Variants in STT3B observed in about 807,000 individuals in gnomAD.
The protein encoded by STT3B is STT3 oligosaccharyltransferase complex catalytic subunit B, also known as dolichyl-diphosphooligosaccharide--protein glycosyltransferase subunit STT3B.
Under a neutral mutation model 96.8 loss-of-function variants are expected in STT3B, and 29 were observed. The ratio of observed to expected loss-of-function variants is 0.30; its 90% CI spans 0.22 to 0.41. The LOEUF (loss-of-function observed/expected upper bound fraction) is 0.41, where lower values mean the gene tolerates loss of function less well. Ranked by LOEUF, STT3B falls within the 10% of genes least tolerant of loss-of-function variation. The probability of loss-of-function intolerance (pLI) is 1.00; values close to 1 mark genes in which losing one functional copy is unlikely to be tolerated. For missense variants in STT3B, 640 were observed against 1,022.3 expected, an observed-to-expected ratio of 0.63 and a Z score of 5.10; for synonymous variants, 367 against 360.0, an observed-to-expected ratio of 1.02 and a Z score of -0.22.
At chr3:31,620,677 A>G (rs780489654) in intron 9 of STT3B, among the ~76,000 whole-genome samples, 2 of 152,250 alleles carry the variant, frequency 1.3e-5, no homozygotes, top group Non-Finnish European at 2.9e-5. Flanking sequence ...AAAGGCTTCT[A>G]CATGATTTAA....
At chr3:31,551,967 G>A (rs12486607) in intron 1 of STT3B, among the ~76,000 whole-genome samples, 140,122 of 152,190 alleles carry the variant, frequency 0.92, 64,676 homozygotes, top group East Asian at 0.96. Flanking sequence ...CCTCAAGGAA[G>A]TGAATTCTGC....
chr3:31,590,254 A>T (rs1321270431), intron 3 of STT3B, among the ~76,000 whole-genome samples: 1 of 151,868 alleles, frequency 6.6e-6, no homozygotes, highest in Non-Finnish European at 1.5e-5. Flanking sequence ...GATAAAGCTT[A>T]TCCAACTTTG....
intron 2 of STT3B, among the ~76,000 whole-genome samples, chr3:31,578,783 G>C (rs188898360): frequency 6.6e-6 from 1 of 152,094 alleles, no homozygotes; most frequent in Admixed American, 6.6e-5. Flanking sequence ...CTATTCTGGA[G>C]CTTATATTCT....
At chr3:31,544,324 G>T (rs1196033311) in intron 1 of STT3B, among the ~76,000 whole-genome samples, 1 of 152,186 alleles carries the variant, frequency 6.6e-6, no homozygotes, top group African/African-American at 2.4e-5. Flanking sequence ...TAAGTTGCTT[G>T]TCTTCATTAA....
intron 1 of STT3B, among the ~76,000 whole-genome samples, chr3:31,570,811 A>G (rs1698118128): frequency 6.6e-6 from 1 of 152,128 alleles, no homozygotes; most frequent in Non-Finnish European, 1.5e-5. Context: ...GAAAACACGG[A>G]TGTAAGGAAA....
At position 31,542,958 on chromosome 3, in the gene STT3B, C is replaced by G. The variant is rs983408108; in HGVS notation, c.314+9646C>G. Among the ~76,000 whole-genome samples the G allele has an allele frequency of 4.7e-5, 7 of 149,434 alleles. No homozygotes were observed. The East Asian group carries it at 6.0e-4, about 13-fold the overall frequency. On this transcript the variant is annotated intron_variant, in intron 1 of 15. Coordinates refer to ENST00000295770, the MANE Select transcript of STT3B (RefSeq NM_178862.3). ...GTAGGCACCTGTAATCCCAGCTGCT[C>G]GAGAGGCTGGGGCAGGAGAATTGTT...
Position 31,622,380 on chromosome 3 carries a change from T to C in STT3B, c.1539+72T>C, listed in dbSNP as rs1462950444. On this transcript the variant is annotated intron_variant, in intron 10 of 15. Transcript: ENST00000295770. ...AATTTTTCCACCACAGTAAGAACTATACATATCAAGAAATGTTATTAAATG... is the reference window on the plus strand; with the variant it reads ...AATTTTTCCACCACAGTAAGAACTACACATATCAAGAAATGTTATTAAATG... 4.8e-6 allele frequency: 6 copies of C among 1,238,278 alleles called. No individual in the cohort carries two copies. The African/African-American group carries it at 9.1e-5, about 19-fold the overall frequency. 76.7% of individuals were successfully genotyped at this position (1,238,278 alleles called of 1,614,324 possible). A position where few individuals can be genotyped will look rare whatever the true frequency, so the allele number is the denominator to read the frequency against.
At chr3:31,547,433 T>G (rs1351977371) in intron 1 of STT3B, among the ~76,000 whole-genome samples, 2 of 152,100 alleles carry the variant, frequency 1.3e-5, no homozygotes, top group Non-Finnish European at 2.9e-5. Flanking sequence ...TCACTTGAGG[T>G]CAGGAGTTCG....
At chr3:31,567,493 G>T (rs1171440238) in intron 1 of STT3B, among the ~76,000 whole-genome samples, 3 of 152,080 alleles carry the variant, frequency 2.0e-5, no homozygotes, top group Non-Finnish European at 2.9e-5. Context: ...GTCGCTCATT[G>T]TGGCCACAGC....
intron 1 of STT3B, among the ~76,000 whole-genome samples, chr3:31,572,058 AT>A (rs1698166939): frequency 7.6e-6 from 1 of 130,962 alleles, no homozygotes; most frequent in South Asian, 2.3e-4. Context: ...TATATCATAT[AT>A]TAATATATTA....
intron 1 of STT3B, among the ~76,000 whole-genome samples, chr3:31,575,003 A>G (rs1449843823): frequency 6.6e-6 from 1 of 152,034 alleles, no homozygotes; most frequent in Admixed American, 6.6e-5. Flanking sequence ...TTATCTTGGC[A>G]ATTACAATTT....
At chr3:31,537,906 G>T (rs1442236205) in intron 1 of STT3B, among the ~76,000 whole-genome samples, 1 of 152,000 alleles carries the variant, frequency 6.6e-6, no homozygotes, top group Non-Finnish European at 1.5e-5. Context: ...CGTGCTCTCC[G>T]AAATGAAGGA....
intron 1 of STT3B, among the ~76,000 whole-genome samples, chr3:31,554,221 A>G (rs1443605492): frequency 6.6e-6 from 1 of 152,186 alleles, no homozygotes; most frequent in African/African-American, 2.4e-5. Flanking sequence ...TCTCCTTAAA[A>G]AAATGAAAAC....
At chr3:31,551,761 A>C (rs1234343536) in intron 1 of STT3B, among the ~76,000 whole-genome samples, 1 of 152,174 alleles carries the variant, frequency 6.6e-6, no homozygotes, top group African/African-American at 2.4e-5. Flanking sequence ...GTCTAGGGTG[A>C]TGGGATGTTG....
intron 2 of STT3B, among the ~76,000 whole-genome samples, chr3:31,578,864 A>G (rs554888676): frequency 6.6e-6 from 1 of 152,290 alleles, no homozygotes; most frequent in East Asian, 1.9e-4. Context: ...GATGATAAGT[A>G]TTATGGAGAA....
intron 5 of STT3B, among the ~76,000 whole-genome samples, chr3:31,604,200 T>C (rs533059857): frequency 6.6e-6 from 1 of 152,254 alleles, no homozygotes; most frequent in Admixed American, 6.5e-5. Flanking sequence ...TTAGATGATA[T>C]TTGCTGGGAA....
chr3:31,633,070 C>T lies in STT3B; in HGVS notation c.2323C>T (p.Pro775Ser). The T allele has an allele frequency of 6.2e-7, 1 of 1,613,994 alleles. No homozygotes were observed. Among genetic ancestry groups the T allele is most frequent in the Non-Finnish European group, 8.5e-7 (1 of 1,179,970 alleles). Residue 775 changes from proline to serine, a missense_variant, in exon 15 of 16, where the codon CCT becomes TCT. Around this residue, in one of 8 missense-constraint regions of STT3B, gnomAD observed 51 missense variants for 64.2 expected, o/e 0.79. Coordinates refer to ENST00000295770, the MANE Select transcript of STT3B (RefSeq NM_178862.3). ...WLVRIYKVKA[P>S]DNRETLDHKP... ...TGTTAGGATATATAAAGTAAAAGCA[C>T]CTGATAACAGGGAGACATTAGATCA...
At chr3:31,629,234 G>C in intron 13 of STT3B, 64 bp from the exon 14 acceptor site, 1 of 906,696 alleles carries the variant, frequency 1.1e-6, no homozygotes. Context: ...AATGAAAAGA[G>C]GAAACTGTAG....
At chr3:31,621,708 A>G (rs1474335079) in intron 9 of STT3B, among the ~76,000 whole-genome samples, 2 of 152,126 alleles carry the variant, frequency 1.3e-5, no homozygotes, top group Non-Finnish European at 2.9e-5. Flanking sequence ...TATGCCAGAT[A>G]TTGGCACTGG....
Sources: gnomAD v4.1 joint callset for allele counts (sites outside exome capture counted in the v4.1 genomes callset) on GRCh38, gnomAD v4.1.1 for gene constraint, gnomAD v4.1.1 regional missense constraint, MANE v1.5 for transcripts, NCBI Gene and HGNC (gene_info 2026-07-23, HGNC 2026-07-21) for gene names.